The following MAPKBP1 variants were observed in gnomAD, a reference collection of about 807,000 sequenced individuals.
The protein encoded by MAPKBP1 is mitogen-activated protein kinase binding protein 1.
Under a neutral mutation model 170.5 loss-of-function variants are expected in MAPKBP1, and 71 were observed. The observed-to-expected ratio is 0.42, with a 90% CI of 0.34 to 0.51. The LOEUF (loss-of-function observed/expected upper bound fraction) is 0.51. Ranked by LOEUF, MAPKBP1 falls within the 20% of genes least tolerant of loss-of-function variation. MAPKBP1 has a pLI of 0.06. For missense variants in MAPKBP1, 1,598 were observed against 1,933.0 expected, an observed-to-expected ratio of 0.83 and a Z score of 3.25; for synonymous variants, 719 against 757.9, an observed-to-expected ratio of 0.95 and a Z score of 0.84.
intron 1 of MAPKBP1, 173 bp downstream of exon 1, chr15:41,774,783 C>G (rs1209679119): frequency 7.5e-6 from 3 of 399,522 alleles, no homozygotes; most frequent in African/African-American, 6.2e-5. Context: ...AGCCCCGCCG[C>G]GTCCCCGCCG....
chr15:41,817,148 G>T lies in MAPKBP1; in HGVS notation c.1711+113G>T. ...GTGGGGGAGTGTTGGACAGCAGCTG[G>T]GAGGCCTGGAGCTGGTTGGGAAGAT... On this transcript the variant is annotated intron_variant, in intron 14 of 30. Coordinates refer to ENST00000457542, the MANE Select transcript of MAPKBP1 (RefSeq NM_014994.3). This position sits in a 1 kb window ranked among gnomAD's most constrained non-coding sequence, Gnocchi z 4.2. 6.8e-7 allele frequency: 1 copy of T among 1,478,268 alleles called. No homozygotes were observed. 91.6% of individuals were successfully genotyped at this position (1,478,268 alleles called of 1,614,324 possible).
At chr15:41,824,702 G>A in intron 30 of MAPKBP1, 133 bp downstream of exon 30, 1 of 920,060 alleles carries the variant, frequency 1.1e-6, no homozygotes, top group Admixed American at 2.3e-5. Context: ...ATCTTGGGCA[G>A]CATAGGTGAG....
At chr15:41,800,717 C>A (rs11858843) in intron 3 of MAPKBP1, among the ~76,000 whole-genome samples, 70,043 of 151,398 alleles carry the variant, frequency 0.46, 16,868 homozygotes, top group Non-Finnish European at 0.53. Flanking sequence ...CATTAATTTG[C>A]CTATTCTGGA....
At chr15:41,811,141 T>C (rs763838214) in intron 4 of MAPKBP1, 37 bp from the exon 5 acceptor site, 4 of 1,612,138 alleles carry the variant, frequency 2.5e-6, no homozygotes. Flanking sequence ...TAGGCCAGGC[T>C]GCCAGTGCCC....
At chr15:41,809,932 T>C (rs2152077550) in intron 3 of MAPKBP1, among the ~76,000 whole-genome samples, 1 of 152,318 alleles carries the variant, frequency 6.6e-6, no homozygotes, top group African/African-American at 2.4e-5. Context: ...GGGTGGGGCT[T>C]GGGACCTCTG....
At chr15:41,788,606 G>A (rs2064341253) in intron 2 of MAPKBP1, among the ~76,000 whole-genome samples, 1 of 152,188 alleles carries the variant, frequency 6.6e-6, no homozygotes, top group Non-Finnish European at 1.5e-5. Flanking sequence ...ATAGGGTAGT[G>A]GAAGGGAAGG....
In MAPKBP1 at chr15:41,825,347, G is replaced by T; in HGVS notation, c.4438G>T (p.Val1480Leu). 1 of 1,613,462 alleles carries T rather than the reference G, an allele frequency of 6.2e-7. No homozygotes were observed. Among genetic ancestry groups the T allele is most frequent in the Non-Finnish European group, 8.5e-7 (1 of 1,180,002 alleles). The change falls in exon 31 of 31, where the codon GTG becomes TTG. Residue 1480 changes from valine (V) to leucine (L), a missense_variant. Val to Leu is a conservative substitution (Grantham distance 32). This residue lies in a region of MAPKBP1 where 942 missense variants were observed against 953.2 expected (regional missense o/e 0.99). Transcript: ENST00000457542. ...CAGCCCAGGCAGCAGCCCTGGGGCTGTGGGAGCCGAGCAGACACAGGCCCT... is the reference window on the plus strand; with the variant it reads ...CAGCCCAGGCAGCAGCCCTGGGGCTTTGGGAGCCGAGCAGACACAGGCCCT... ...LSSPGSSPGA[V>L]GAEQTQALLE... is the part of the protein sequence containing the mutation.
At chr15:41,789,302 A>T (rs1449324406) in intron 2 of MAPKBP1, among the ~76,000 whole-genome samples, 1 of 151,952 alleles carries the variant, frequency 6.6e-6, no homozygotes, top group African/African-American at 2.4e-5. Context: ...GAAAAAAAAA[A>T]ACTACAACTC....
intron 2 of MAPKBP1, among the ~76,000 whole-genome samples, chr15:41,785,713 A>AT (rs916443414): frequency 4.0e-5 from 6 of 151,752 alleles, no homozygotes; most frequent in East Asian, 1.9e-4. Context: ...CTATTAAAAA[A>AT]TTTTTTTTTG....
At chr15:41,796,879 C>G (rs2064500183) in intron 2 of MAPKBP1, among the ~76,000 whole-genome samples, 1 of 152,090 alleles carries the variant, frequency 6.6e-6, no homozygotes, top group Admixed American at 6.6e-5. Context: ...GTCATGAAAT[C>G]AGTAAAGTGG....
At chr15:41,789,189 T>C (rs780653103) in intron 2 of MAPKBP1, among the ~76,000 whole-genome samples, 1 of 152,124 alleles carries the variant, frequency 6.6e-6, no homozygotes, top group Non-Finnish European at 1.5e-5. Context: ...AAATCAGGTG[T>C]GTAGAGGAAT....
At chr15:41,814,945 A>G (rs1413425051) in intron 10 of MAPKBP1, among the ~76,000 whole-genome samples, 3 of 152,204 alleles carry the variant, frequency 2.0e-5, no homozygotes, top group Non-Finnish European at 4.4e-5. Flanking sequence ...TGCCTCGGTC[A>G]TCTTGGACAA....
At chr15:41,779,360 GC>G (rs1380507994) in intron 2 of MAPKBP1, among the ~76,000 whole-genome samples, 2 of 152,124 alleles carry the variant, frequency 1.3e-5, no homozygotes, top group African/African-American at 4.8e-5. Context: ...ACAGGCGCGT[GC>G]CACCACGCCG....
chr15:41,822,469 C>T, intron 26 of MAPKBP1, 47 bp downstream of exon 26: 1 of 1,605,692 alleles, frequency 6.2e-7, no homozygotes, highest in Non-Finnish European at 8.5e-7. Context: ...TGCCCTTCTC[C>T]CCTCCTTGCC....
At chr15:41,800,549 GGT>G (rs2064573247) in intron 3 of MAPKBP1, among the ~76,000 whole-genome samples, 1 of 152,090 alleles carries the variant, frequency 6.6e-6, no homozygotes, top group African/African-American at 2.4e-5. Context: ...TGCCCAGGCT[GGT>G]GTTGAACTCC....
chr15:41,811,750 C>T (rs1567147939), intron 5 of MAPKBP1: 3 of 701,218 alleles, frequency 4.3e-6, no homozygotes, highest in Non-Finnish European at 2.6e-6. Flanking sequence ...GAGATGCTGA[C>T]TAAAATCCGG....
chr15:41,789,461 A>T (rs886939051), intron 2 of MAPKBP1, among the ~76,000 whole-genome samples: 2 of 152,138 alleles, frequency 1.3e-5, no homozygotes, highest in African/African-American at 4.8e-5. Flanking sequence ...GCACGTGCTG[A>T]TGACTGTACT....
intron 3 of MAPKBP1, chr15:41,810,543 C>CA (rs11415317): frequency 0.016 from 2,382 of 152,494 alleles, 41 homozygotes; most frequent in African/African-American, 0.05. Context: ...CCCGTGTCTA[C>CA]AAAAAAAAAA....
At chr15:41,814,289 T>C (rs2064852981) in intron 9 of MAPKBP1, among the ~76,000 whole-genome samples, 1 of 152,196 alleles carries the variant, frequency 6.6e-6, no homozygotes, top group African/African-American at 2.4e-5. Flanking sequence ...GTTTTTGTTT[T>C]GCCCCATCAC....
Sources: gnomAD v4.1 joint callset for allele counts (sites outside exome capture counted in the v4.1 genomes callset) on GRCh38, gnomAD v4.1.1 for gene constraint, gnomAD v4.1.1 regional missense constraint, Gnocchi (gnomAD v3.1) non-coding constraint, MANE v1.5 for transcripts, NCBI Gene and HGNC (gene_info 2026-07-23, HGNC 2026-07-21) for gene names.